The following CBL variants were observed in gnomAD, a reference collection of about 807,000 sequenced individuals.
CBL encodes the protein Cbl proto-oncogene.
A neutral mutation model predicts 96.9 loss-of-function variants in CBL; 45 were observed. The ratio of observed to expected loss-of-function variants is 0.46; its 90% CI spans 0.37 to 0.60. CBL has a LOEUF of 0.60. Among genes scored for constraint, CBL ranks in the 20% least tolerant of loss-of-function variants. The pLI is 0.00. For synonymous variants in CBL, 420 were observed against 426.8 expected (o/e 0.98, Z 0.20); for missense variants, 1,024 against 1,143.5 (o/e 0.90, Z 1.51).
chr11:119,207,051 GA>G (rs914620314), intron 1 of CBL, among the ~76,000 whole-genome samples: 3 of 152,142 alleles, frequency 2.0e-5, no homozygotes, highest in Non-Finnish European at 4.4e-5. Flanking sequence ...GGTGAGATCT[GA>G]CTAGGGAATT....
In CBL at chr11:119,305,397, A is replaced by G. The variant is rs1950127928; in HGVS notation, c.*5616A>G. 2 of 230,556 alleles carry G rather than the reference A, an allele frequency of 8.7e-6. No homozygotes were observed. The highest frequency in any genetic ancestry group is 1.7e-5 in the Non-Finnish European group (2 of 116,376). 14.3% of individuals were successfully genotyped at this position (230,556 alleles called of 1,614,324 possible). The stretch of plus-strand genomic sequence containing the variant: ...TTTATTTAGAGAGCAGAATCTAATA[A>G]CGGGTTCCACTGTAGCCACTATCCA... On this transcript the variant is annotated 3_prime_UTR_variant, in exon 16 of 16. Transcript: ENST00000264033.
rs1331093488 is a variant in CBL at position 119,271,731 on chromosome 11, G to T, written c.444-4G>T. 1 of 1,613,348 alleles carries T rather than the reference G, an allele frequency of 6.2e-7. No individual in the cohort carries two copies. The highest frequency in any genetic ancestry group is 1.1e-5 in the South Asian group (1 of 91,042). On this transcript the variant is annotated splice_polypyrimidine_tract_variant and splice_region_variant and intron_variant, in intron 2 of 15. Transcript: ENST00000264033. ...TTTAATTATTGCATTCTGATCATTT[G>T]TAGGCGAAACCTAACCAAACTGTCC...
chr11:119,281,218 C>T (rs1353097176), intron 9 of CBL, among the ~76,000 whole-genome samples: 2 of 152,182 alleles, frequency 1.3e-5, no homozygotes, highest in South Asian at 2.1e-4. Context: ...ACTTCATTGC[C>T]TCTCCTCTGT....
At chr11:119,221,073 G>A (rs1294079345) in intron 1 of CBL, among the ~76,000 whole-genome samples, 5 of 151,614 alleles carry the variant, frequency 3.3e-5, no homozygotes, top group Non-Finnish European at 7.4e-5. Flanking sequence ...GTGAAACCCC[G>A]TCTCTACTAA....
chr11:119,221,569 C>G (rs912193199), intron 1 of CBL, among the ~76,000 whole-genome samples: 1 of 151,856 alleles, frequency 6.6e-6, no homozygotes, highest in African/African-American at 2.4e-5. Flanking sequence ...AATTCGAGAC[C>G]AGCCTGACCA....
intron 4 of CBL, 81 bp from the exon 5 acceptor site, chr11:119,274,750 GT>G: frequency 7.8e-7 from 1 of 1,286,010 alleles, no homozygotes; most frequent in Non-Finnish European, 1.1e-6. Context: ...GAGAGTTGGT[GT>G]TGTTTTTTTT....
At chr11:119,265,229 T>A (rs559823951) in intron 2 of CBL, among the ~76,000 whole-genome samples, 1 of 152,350 alleles carries the variant, frequency 6.6e-6, no homozygotes, top group African/African-American at 2.4e-5. Flanking sequence ...TCTTTTTAAA[T>A]ACCATATAAA....
chr11:119,285,095 T>C lies in CBL; in HGVS notation c.1558T>C (p.Ser520Pro), dbSNP rs371686364. 2.5e-6 allele frequency: 4 copies of C among 1,614,038 alleles called. No homozygotes were observed. Among genetic ancestry groups the C allele is most frequent in the East Asian group, 2.2e-5 (1 of 44,892 alleles). ...PSSASALGTASKAASGSLHKD... is the reference protein window; with the variant it reads ...PSSASALGTAPKAASGSLHKD... The stretch of plus-strand genomic sequence containing the variant: ...AAGTGCTTCTGCTCTTGGAACTGCT[T>C]CTAAGGTAAAGCATTTTCCATTACT... The change falls in exon 10 of 16, where the codon TCT becomes CCT. Residue 520 changes from serine (S) to proline (P), a missense_variant. This residue lies in a region of CBL where 695 missense variants were observed against 661.6 expected (regional missense o/e 1.05). Coordinates refer to ENST00000264033, the MANE Select transcript of CBL (RefSeq NM_005188.4).
chr11:119,222,369 C>T (rs370641056), intron 1 of CBL, among the ~76,000 whole-genome samples: 8 of 152,170 alleles, frequency 5.3e-5, no homozygotes, highest in African/African-American at 1.9e-4. Context: ...ATAACACTTT[C>T]CAAATTTTTT....
Position 119,274,994 on chromosome 11 carries a change from C to T in CBL, c.869+41C>T, listed in dbSNP as rs752879816. 14 of 1,584,188 alleles carry T rather than the reference C, an allele frequency of 8.8e-6. No individual in the cohort carries two copies. The African/African-American group carries it at 9.7e-5, about 11-fold the overall frequency. On this transcript the variant is annotated intron_variant, in intron 5 of 15. Coordinates refer to ENST00000264033, the MANE Select transcript of CBL (RefSeq NM_005188.4). ...CAAAGAGATTTATTCTTCTGAATTT[C>T]GTTATCTTGAGACTTCTGCTAGTAT... is the stretch of plus-strand genomic sequence containing the variant.
At chr11:119,251,569 C>G (rs945555236) in intron 2 of CBL, among the ~76,000 whole-genome samples, 1 of 152,070 alleles carries the variant, frequency 6.6e-6, no homozygotes, top group African/African-American at 2.4e-5. Flanking sequence ...TCTTAATAAC[C>G]TAATAACCAT....
At chr11:119,279,932 G>C (rs936849264) in intron 9 of CBL, among the ~76,000 whole-genome samples, 2 of 152,150 alleles carry the variant, frequency 1.3e-5, no homozygotes, top group Non-Finnish European at 2.9e-5. Context: ...TTTTATTTAG[G>C]AAAAGGACAT....
At chr11:119,261,402 C>T (rs754751531) in intron 2 of CBL, among the ~76,000 whole-genome samples, 5 of 152,128 alleles carry the variant, frequency 3.3e-5, no homozygotes, top group Non-Finnish European at 7.3e-5. Flanking sequence ...AAGTTACATA[C>T]TCAGGAGTTA....
chr11:119,278,154 T>C lies in CBL; in HGVS notation c.1096-12T>C. 1 of 1,579,758 alleles carries C rather than the reference T, an allele frequency of 6.3e-7. No individual in the cohort carries two copies. The highest frequency in any genetic ancestry group is 8.7e-7 in the Non-Finnish European group (1 of 1,149,652). On this transcript the variant is annotated splice_polypyrimidine_tract_variant and intron_variant, in intron 7 of 15. Transcript: ENST00000264033. ...ATTCAACTAATAGTCTTTTAATTTT[T>C]TTTAATCAAAGGAACAATATGAATT... is the stretch of plus-strand genomic sequence containing the variant.
intron 1 of CBL, among the ~76,000 whole-genome samples, chr11:119,229,609 AAACAACAACAAC>A (rs916342630): frequency 6.6e-6 from 1 of 152,148 alleles, no homozygotes; most frequent in Non-Finnish European, 1.5e-5. Flanking sequence ...TTTTTCTCAA[AAACAACAACAAC>A]AACAACAAAA....
chr11:119,210,674 C>T (rs1323693111), intron 1 of CBL, among the ~76,000 whole-genome samples: 1 of 145,176 alleles, frequency 6.9e-6, no homozygotes, highest in African/African-American at 2.6e-5. Flanking sequence ...CTCTCGAACT[C>T]CTGGCCTCAA....
chr11:119,295,078 G>C (rs1950054832), intron 12 of CBL, among the ~76,000 whole-genome samples: 1 of 152,212 alleles, frequency 6.6e-6, no homozygotes, highest in Non-Finnish European at 1.5e-5. Flanking sequence ...CAGATCTATT[G>C]TAGTAGAAGC....
At chr11:119,232,723 T>TA in intron 2 of CBL, 28 bp downstream of exon 2, 1 of 1,608,184 alleles carries the variant, frequency 6.2e-7, no homozygotes, top group Non-Finnish European at 8.5e-7. Flanking sequence ...CACAAATAAT[T>TA]ATGCAGGTCT....
At chr11:119,287,021 GCCATGCTGATC>G (rs1949989568) in intron 11 of CBL, among the ~76,000 whole-genome samples, 1 of 152,208 alleles carries the variant, frequency 6.6e-6, no homozygotes, top group Admixed American at 6.6e-5. Flanking sequence ...AGGAGGATGT[GCCATGCTGATC>G]CCAGGGGAGA....
Sources: gnomAD v4.1 joint callset for allele counts (sites outside exome capture counted in the v4.1 genomes callset) on GRCh38, gnomAD v4.1.1 for gene constraint, gnomAD v4.1.1 regional missense constraint, MANE v1.5 for transcripts, NCBI Gene and HGNC (gene_info 2026-07-23, HGNC 2026-07-21) for gene names.